USP34: variants seen among roughly 807,000 people sequenced by gnomAD.
USP34 encodes the protein ubiquitin specific peptidase 34.
A neutral mutation model predicts 460.3 loss-of-function variants in USP34; 70 were observed. The ratio of observed to expected loss-of-function variants is 0.15; its 90% CI spans 0.13 to 0.19. The LOEUF is 0.19. Among genes scored for constraint, USP34 ranks in the 10% least tolerant of loss-of-function variants. The pLI, the probability that USP34 is intolerant of heterozygous loss-of-function variation, is 1.00. For synonymous variants in USP34, 1,647 were observed against 1,405.3 expected (o/e 1.17, Z -3.85); for missense variants, 3,985 against 4,236.2 (o/e 0.94, Z 1.65).
chr2:61,331,321 A>G lies in USP34; in HGVS notation c.2885T>C (p.Val962Ala), dbSNP rs1328610760. The G allele has an allele frequency of 6.2e-7, 1 of 1,612,568 alleles. No homozygotes were observed. The highest frequency in any genetic ancestry group is 1.3e-5 in the African/African-American group (1 of 75,004). The change falls in exon 20 of 80, where the codon GTA becomes GCA. Residue 962 changes from valine to alanine, a missense_variant. By Grantham distance (64) the Val-to-Ala change is moderately conservative. Around this residue, in one of 14 missense-constraint regions of USP34, gnomAD observed 1,114 missense variants for 1,122.5 expected, o/e 0.99. Coordinates refer to ENST00000398571, the MANE Select transcript of USP34 (RefSeq NM_014709.4). ...NMMKLFFDNL[V>A]YYIQTVREGR... ...TTCTCTCACAGTTTGAATGTAGTAT[A>G]CCAAATTATCAAAGAAAAGCTTCAT...
At chr2:61,431,019 A>G (rs141976375) in intron 1 of USP34, among the ~76,000 whole-genome samples, 1 of 152,202 alleles carries the variant, frequency 6.6e-6, no homozygotes, top group Admixed American at 6.5e-5. Flanking sequence ...AAAGAAAAAT[A>G]GAAAAGAAAT....
At chr2:61,264,310 C>T (rs1024121472) in intron 43 of USP34, among the ~76,000 whole-genome samples, 1 of 152,088 alleles carries the variant, frequency 6.6e-6, no homozygotes, top group Non-Finnish European at 1.5e-5. Context: ...CACTGCAATA[C>T]TTAACAGGGA....
intron 3 of USP34, among the ~76,000 whole-genome samples, chr2:61,403,014 T>C (rs374438458): frequency 6.6e-6 from 1 of 152,082 alleles, no homozygotes; most frequent in Non-Finnish European, 1.5e-5. Flanking sequence ...ATTAAGATAA[T>C]AGAAACCTCG....
chr2:61,327,590 C>T (rs1200630866), intron 20 of USP34, among the ~76,000 whole-genome samples: 3 of 152,264 alleles, frequency 2.0e-5, no homozygotes, highest in African/African-American at 7.2e-5. Context: ...AAAGTCTTGC[C>T]CTTTACTAAG....
Position 61,339,362 on chromosome 2 carries a change from C to T in USP34, c.2733G>A (p.Leu911=), listed in dbSNP as rs760178395. Residue 911 remains leucine (L), a synonymous_variant, in exon 18 of 80, where the codon TTG becomes TTA. Coordinates refer to ENST00000398571, the MANE Select transcript of USP34 (RefSeq NM_014709.4). ...MRFIEGCLEN[L]GNNRSVVISL... ...AAATTCCTCTTTACCTGTTGTTTCC[C>T]AAGTTTTCAAGGCAACCTTCAATGA... The T allele has an allele frequency of 1.9e-6, 3 of 1,607,282 alleles. No individual in the cohort carries two copies. In the Admixed American group the frequency reaches 5.1e-5, roughly 27 times the overall value.
At chr2:61,338,356 T>C (rs1176483951) in intron 18 of USP34, among the ~76,000 whole-genome samples, 2 of 152,198 alleles carry the variant, frequency 1.3e-5, no homozygotes, top group Admixed American at 1.3e-4. Context: ...AGGAGGCAAC[T>C]GATTCATTTA....
chr2:61,301,248 TTAATA>T (rs1572913858), intron 28 of USP34, 88 bp from the exon 29 acceptor site: 1 of 1,513,894 alleles, frequency 6.6e-7, no homozygotes. Context: ...ACTTAAAATT[TTAATA>T]TAACAAAGCA....
intron 1 of USP34, among the ~76,000 whole-genome samples, chr2:61,451,466 T>A (rs2256469): frequency 1.3e-5 from 2 of 150,740 alleles, no homozygotes; most frequent in Non-Finnish European, 3.0e-5. Context: ...GGGCGGATCA[T>A]CTGAGGTTGG....
At chr2:61,314,251 A>G (rs1690677898) in intron 25 of USP34, among the ~76,000 whole-genome samples, 1 of 152,002 alleles carries the variant, frequency 6.6e-6, no homozygotes, top group Non-Finnish European at 1.5e-5. Flanking sequence ...GTTTTAGAGA[A>G]ACTTTTTTTA....
In USP34 at chr2:61,206,883, A is replaced by G; in HGVS notation, c.8923T>C (p.Phe2975Leu). Reference protein sequence around the residue: ...NRGLILMTESFNTLHMMYHEA... With the variant: ...NRGLILMTESLNTLHMMYHEA... The stretch of plus-strand genomic sequence containing the variant: ...TGATACATCATGTGCAAAGTGTTGA[A>G]AGACTACAAATGATTTGAAAAAATT... Residue 2975 changes from phenylalanine to leucine, a missense_variant, in exon 71 of 80, where the codon TTC becomes CTC. Physicochemically the swap from Phe to Leu is conservative, Grantham distance 22 (BLOSUM62 0). This residue lies in a region of USP34 where 275 missense variants were observed against 292.7 expected (regional missense o/e 0.94). Coordinates refer to ENST00000398571, the MANE Select transcript of USP34 (RefSeq NM_014709.4). 2 of 1,604,642 alleles carry G rather than the reference A, an allele frequency of 1.2e-6. No individual in the cohort carries two copies. The highest frequency in any genetic ancestry group is 4.5e-5 in the East Asian group (2 of 44,832).
At chr2:61,281,384 G>T in intron 37 of USP34, 142 bp from the exon 38 acceptor site, 1 of 1,090,974 alleles carries the variant, frequency 9.2e-7, no homozygotes, top group Non-Finnish European at 1.3e-6. Context: ...GGCCCAGGCA[G>T]GAGGATAACC....
chr2:61,250,331 G>C (rs1688541647), intron 48 of USP34: 1 of 176,904 alleles, frequency 5.7e-6, no homozygotes, highest in Non-Finnish European at 1.2e-5. Context: ...GAGTTAACCA[G>C]AAAATATTCC....
chr2:61,217,381 T>C (rs998167897), intron 67 of USP34, among the ~76,000 whole-genome samples: 4 of 152,236 alleles, frequency 2.6e-5, no homozygotes, highest in East Asian at 3.8e-4. Flanking sequence ...ATTTATTTTG[T>C]TGTATTTAGG....
intron 20 of USP34, among the ~76,000 whole-genome samples, chr2:61,330,442 T>A (rs1691226359): frequency 6.6e-6 from 1 of 152,164 alleles, no homozygotes; most frequent in Admixed American, 6.5e-5. Flanking sequence ...AAGTAACTGA[T>A]TTGTGCAGGG....
chr2:61,370,209 C>T lies in USP34; in HGVS notation c.1251+112G>A, dbSNP rs564632330. ...AGCCAGATTTCAGTCCCAGCTTGTCCATGTCTTGGTCTCCTTAGCTATAAA... is the reference window on the plus strand; with the variant it reads ...AGCCAGATTTCAGTCCCAGCTTGTCTATGTCTTGGTCTCCTTAGCTATAAA... On this transcript the variant is annotated intron_variant, in intron 10 of 79. Coordinates refer to ENST00000398571, the MANE Select transcript of USP34 (RefSeq NM_014709.4). 311 of 1,057,908 alleles carry T rather than the reference C, an allele frequency of 2.9e-4. 1 individual carries two copies. The South Asian group carries it at 4.7e-3, about 16-fold the overall frequency. The allele number at this position is 1,057,908 out of a possible 1,614,324, so 65.5% of individuals were successfully genotyped here. A position where few individuals can be genotyped will look rare whatever the true frequency, so the allele number is the denominator to read the frequency against.
chr2:61,441,357 C>T (rs932183552), intron 1 of USP34, among the ~76,000 whole-genome samples: 6 of 152,018 alleles, frequency 3.9e-5, no homozygotes, highest in South Asian at 2.1e-4. Flanking sequence ...ATACTTTCTG[C>T]GCCCCACCTC....
intron 1 of USP34, among the ~76,000 whole-genome samples, chr2:61,426,123 T>C (rs563229056): frequency 2.6e-5 from 4 of 152,230 alleles, no homozygotes; most frequent in Non-Finnish European, 5.9e-5. Context: ...AGGGCCTCAG[T>C]TGAGCCTCTG....
At chr2:61,246,223 T>C (rs1395350479) in intron 50 of USP34, 101 bp downstream of exon 50, 2 of 1,042,094 alleles carry the variant, frequency 1.9e-6, no homozygotes, top group Non-Finnish European at 2.5e-6. Context: ...GTCTGCCTCA[T>C]TTCCAACTTT....
In USP34 at chr2:61,194,783, G is replaced by A. The variant is rs557350676; in HGVS notation, c.9509-1803C>T. On this transcript the variant is annotated intron_variant, in intron 75 of 79. Transcript: ENST00000398571. ...CCAGCCTGACCAACATGGAGAAACCGTCTCTAGTAAAAATACAAAACTAGC... is the reference window on the plus strand; with the variant it reads ...CCAGCCTGACCAACATGGAGAAACCATCTCTAGTAAAAATACAAAACTAGC... Among the ~76,000 whole-genome samples the A allele has an allele frequency of 1.6e-4, 25 of 152,238 alleles. No individual in the cohort carries two copies. In the South Asian group the frequency reaches 3.9e-3, roughly 24 times the overall value.
Sources: gnomAD v4.1 joint callset for allele counts (sites outside exome capture counted in the v4.1 genomes callset) on GRCh38, gnomAD v4.1.1 for gene constraint, gnomAD v4.1.1 regional missense constraint, MANE v1.5 for transcripts, NCBI Gene and HGNC (gene_info 2026-07-23, HGNC 2026-07-21) for gene names.